The following ATP9B variants were observed in gnomAD, a reference collection of about 807,000 sequenced individuals.
ATP9B encodes the protein probable phospholipid-transporting ATPase IIB.
In ATP9B, 110 loss-of-function variants were observed where a neutral mutation model predicts 146.1. The observed-to-expected ratio is 0.75, with a 90% CI of 0.65 to 0.88. The LOEUF is 0.88. ATP9B is among the 40% of genes least tolerant of loss of function. The probability of loss-of-function intolerance (pLI) is 0.00; values close to 1 mark genes in which losing one functional copy is unlikely to be tolerated. For missense variants in ATP9B, 1,499 were observed against 1,496.4 expected, an observed-to-expected ratio of 1.00 and a Z score of -0.03; for synonymous variants, 604 against 569.7, an observed-to-expected ratio of 1.06 and a Z score of -0.86.
At chr18:79,082,795 C>T (rs1398396259) in intron 1 of ATP9B, among the ~76,000 whole-genome samples, 1 of 152,220 alleles carries the variant, frequency 6.6e-6, no homozygotes, top group Non-Finnish European at 1.5e-5. Flanking sequence ...CCCAAAGGGG[C>T]ACCTGCCAGA....
chr18:79,146,424 T>C (rs1251562195), intron 6 of ATP9B: 26 of 88,126 alleles, frequency 3.0e-4, no homozygotes, highest in East Asian at 6.9e-4. Flanking sequence ...TCGGGGGAGC[T>C]GGCGGTGTGG....
At chr18:79,376,867 T>C (rs1158767934) in intron 29 of ATP9B, among the ~76,000 whole-genome samples, 1 of 152,040 alleles carries the variant, frequency 6.6e-6, no homozygotes, top group Non-Finnish European at 1.5e-5. Context: ...GCTAATGTTT[T>C]GTTGTCTTTT....
chr18:79,101,977 G>A (rs1211854470), intron 2 of ATP9B, among the ~76,000 whole-genome samples: 2 of 151,230 alleles, frequency 1.3e-5, no homozygotes, highest in Admixed American at 1.3e-4. Context: ...ACGGAGTCTC[G>A]CTCTGTCACC....
chr18:79,284,851 A>G (rs2096418932), intron 13 of ATP9B, among the ~76,000 whole-genome samples: 2 of 138,038 alleles, frequency 1.4e-5, no homozygotes, highest in South Asian at 2.3e-4. Flanking sequence ...GTTCCCACCT[A>G]TGAGTGAGAA....
intron 4 of ATP9B, chr18:79,117,969 C>A (rs2094117343): frequency 6.6e-6 from 1 of 152,060 alleles, no homozygotes; most frequent in Non-Finnish European, 1.5e-5. Context: ...ATCTGTGTGG[C>A]CTATTGCAAC....
At chr18:79,263,261 C>A (rs1444250546) in intron 12 of ATP9B, among the ~76,000 whole-genome samples, 1 of 152,090 alleles carries the variant, frequency 6.6e-6, no homozygotes, top group African/African-American at 2.4e-5. Context: ...GTTCCAGCAC[C>A]CTCCATGGAT....
intron 9 of ATP9B, among the ~76,000 whole-genome samples, chr18:79,202,188 T>C (rs2095495388): frequency 6.6e-6 from 1 of 152,234 alleles, no homozygotes; most frequent in Non-Finnish European, 1.5e-5. Flanking sequence ...GCTTCCTCTT[T>C]CCTCAGATAA....
In ATP9B at chr18:79,113,324, A is replaced by G. The variant is rs1373171717; in HGVS notation, c.528A>G (p.Ile176Met). 3 of 1,593,428 alleles carry G rather than the reference A, an allele frequency of 1.9e-6. No individual in the cohort carries two copies. Among genetic ancestry groups the G allele is most frequent in the Admixed American group, 1.7e-5 (1 of 59,638 alleles). The change falls in exon 4 of 30, where the codon ATA (isoleucine) becomes ATG (methionine). Residue 176 changes from isoleucine (I) to methionine (M), a missense_variant. Physicochemically the swap from Ile to Met is conservative, Grantham distance 10. Transcript: ENST00000426216. ...CACAGTTTGTACCAGCATTGAAAAT[A>G]GGCTATCTCTACACCTACTGGGCTC... ...SCSQFVPALK[I>M]GYLYTYWAPL...
rs915873489 is a variant in ATP9B at position 79,374,202 on chromosome 18, A to C, written c.3274+101A>C. The C allele has an allele frequency of 1.8e-5, 25 of 1,357,186 alleles. No homozygotes were observed. The East Asian group carries it at 4.3e-4, about 23-fold the overall frequency. The allele number at this position is 1,357,186 out of a possible 1,614,324, so 84.1% of individuals were successfully genotyped here. On this transcript the variant is annotated intron_variant, in intron 28 of 29. Transcript: ENST00000426216. ...AATACATTGTGTTAAGTTGTGGATCATGGTAAAACCCATATCAGAAAGTGC... is the reference window on the plus strand; with the variant it reads ...AATACATTGTGTTAAGTTGTGGATCCTGGTAAAACCCATATCAGAAAGTGC...
At chr18:79,264,004 C>G (rs973175102) in intron 12 of ATP9B, among the ~76,000 whole-genome samples, 1 of 151,996 alleles carries the variant, frequency 6.6e-6, no homozygotes, top group African/African-American at 2.4e-5. Flanking sequence ...AGAATGGCGT[C>G]AACCCGGAAG....
intron 2 of ATP9B, among the ~76,000 whole-genome samples, chr18:79,104,267 G>T (rs773849290): frequency 1.2e-4 from 18 of 152,170 alleles, no homozygotes; most frequent in Non-Finnish European, 2.2e-4. Context: ...GTGATTTTTT[G>T]TGTGTGTGGA....
chr18:79,372,481 A>T (rs1283884604), intron 26 of ATP9B: 1 of 446,822 alleles, frequency 2.2e-6, no homozygotes, highest in African/African-American at 2.0e-5. Context: ...AAATAAGGGA[A>T]AATGTTTTTA....
Position 79,374,085 on chromosome 18 carries a change from T to C in ATP9B, c.3258T>C (p.Phe1086=). 1 of 1,614,218 alleles carries C rather than the reference T, an allele frequency of 6.2e-7. No individual in the cohort carries two copies. Residue 1086 remains phenylalanine, a synonymous_variant, in exon 28 of 30, where the codon TTT becomes TTC. Coordinates refer to ENST00000426216, the MANE Select transcript of ATP9B (RefSeq NM_198531.5). ...SLGCYVSSLA[F]LNEYFGIGRV... Reference sequence around the variant, plus strand: ...GCTGCTACGTGTCCTCACTCGCTTTTCTCAATGAATATTTTGGTAAGTTGC... The same window carrying C: ...GCTGCTACGTGTCCTCACTCGCTTTCCTCAATGAATATTTTGGTAAGTTGC...
chr18:79,241,052 G>T (rs1599195967), intron 11 of ATP9B, among the ~76,000 whole-genome samples: 1 of 152,200 alleles, frequency 6.6e-6, no homozygotes, highest in Non-Finnish European at 1.5e-5. Context: ...GGGCTATTGG[G>T]TTGTAAGCTG....
intron 15 of ATP9B, among the ~76,000 whole-genome samples, chr18:79,308,212 G>C (rs975318136): frequency 1.3e-5 from 2 of 152,128 alleles, no homozygotes; most frequent in African/African-American, 4.8e-5. Context: ...AGAGGAACTG[G>C]AACCTGCATG....
chr18:79,146,655 C>T (rs535573071), intron 6 of ATP9B: 9 of 259,350 alleles, frequency 3.5e-5, no homozygotes, highest in East Asian at 2.5e-4. Flanking sequence ...TGCTGCATAT[C>T]GGGGGAGTGC....
intron 13 of ATP9B, among the ~76,000 whole-genome samples, chr18:79,281,079 A>G (rs1212849712): frequency 6.6e-6 from 1 of 152,236 alleles, no homozygotes; most frequent in African/African-American, 2.4e-5. Context: ...AGGAAAATAC[A>G]AGGAAAGAAG....
chr18:79,377,786 G>A lies in ATP9B; in HGVS notation c.*403G>A, dbSNP rs752892374. 14 of 185,688 alleles carry A rather than the reference G, an allele frequency of 7.5e-5. No individual in the cohort carries two copies. Among genetic ancestry groups the A allele is most frequent in the Admixed American group, 7.1e-4 (13 of 18,406 alleles). 11.5% of individuals were successfully genotyped at this position (185,688 alleles called of 1,614,324 possible). On this transcript the variant is annotated 3_prime_UTR_variant, in exon 30 of 30. Coordinates refer to ENST00000426216, the MANE Select transcript of ATP9B (RefSeq NM_198531.5). Reference sequence around the variant, plus strand: ...CTTCACCCATGCTAGGCAAGCCCAGGGCACAGATGCCGGGATGGCCCCTCC... The same window carrying A: ...CTTCACCCATGCTAGGCAAGCCCAGAGCACAGATGCCGGGATGGCCCCTCC...
At chr18:79,351,266 C>T (rs1046936487) in intron 25 of ATP9B, among the ~76,000 whole-genome samples, 1 of 152,204 alleles carries the variant, frequency 6.6e-6, no homozygotes, top group Admixed American at 6.5e-5. Context: ...AGAACTACTG[C>T]TTGGGTTAGT....
Sources: gnomAD v4.1 joint callset for allele counts (sites outside exome capture counted in the v4.1 genomes callset) on GRCh38, gnomAD v4.1.1 for gene constraint, MANE v1.5 for transcripts, NCBI Gene and HGNC (gene_info 2026-07-23, HGNC 2026-07-21) for gene names.